The following RAD18 variants were observed in gnomAD, a reference collection of about 807,000 sequenced individuals.
RAD18 encodes the protein RAD18 E3 ubiquitin protein ligase.
Under a neutral mutation model 60.4 loss-of-function variants are expected in RAD18, and 47 were observed. The observed-to-expected ratio is 0.78, with a 90% CI of 0.62 to 0.99. The LOEUF is 0.99. RAD18 is among the 50% of genes least tolerant of loss of function. The pLI, the probability that RAD18 is intolerant of heterozygous loss-of-function variation, is 0.00. For synonymous variants in RAD18, 225 were observed against 195.5 expected (o/e 1.15, Z -1.26); for missense variants, 640 against 593.3 (o/e 1.08, Z -0.82).
chr3:8,899,004 T>C lies in RAD18; in HGVS notation c.1212A>G (p.Gln404=), dbSNP rs551213695. The C allele has an allele frequency of 1.1e-4, 183 of 1,608,274 alleles. 2 individuals carry two copies. In the South Asian group the frequency reaches 1.5e-3, roughly 13 times the overall value. ...NMTSVTNHFS[Q]SKLDSPEELE... ...ATTCCTCTGGGGAGTCCAGCTTTGA[T>C]TGAGAAAAGTGGTTTGTTACTGAGG... The change falls in exon 11 of 13, where the codon CAA becomes CAG. Residue 404 remains glutamine, a synonymous_variant. Transcript: ENST00000264926.
intron 7 of RAD18, among the ~76,000 whole-genome samples, chr3:8,925,996 T>C (rs532783765): frequency 1.3e-3 from 203 of 151,854 alleles, no homozygotes; most frequent in African/African-American, 4.8e-3. Context: ...CTTTGAAAAC[T>C]GGCACAAGAC....
At position 8,878,260 on chromosome 3, in the gene RAD18, A is replaced by T. The variant is rs1436653878; in HGVS notation, c.*3097T>A. The T allele has an allele frequency of 6.6e-6, 1 of 152,206 alleles. No individual in the cohort carries two copies. The highest frequency in any genetic ancestry group is 1.5e-5 in the Non-Finnish European group (1 of 68,036). 9.4% of individuals were successfully genotyped at this position (152,206 alleles called of 1,614,324 possible). On this transcript the variant is annotated 3_prime_UTR_variant, in exon 13 of 13. Coordinates refer to ENST00000264926, the MANE Select transcript of RAD18 (RefSeq NM_020165.4). Reference sequence around the variant, plus strand: ...GAGAAATGCCCCCTTTAAGGTCTCAATGCAGGTAGGGAGTATAAAGTCAGT... The same window carrying T: ...GAGAAATGCCCCCTTTAAGGTCTCATTGCAGGTAGGGAGTATAAAGTCAGT...
chr3:8,891,840 A>G (rs1939697049), intron 11 of RAD18, among the ~76,000 whole-genome samples: 1 of 152,244 alleles, frequency 6.6e-6, no homozygotes, highest in Non-Finnish European at 1.5e-5. Flanking sequence ...GTTGATGCTA[A>G]TACAATTAAA....
intron 4 of RAD18, among the ~76,000 whole-genome samples, chr3:8,943,555 T>C (rs921252267): frequency 1.3e-5 from 2 of 151,904 alleles, no homozygotes; most frequent in Admixed American, 1.3e-4. Context: ...GTATGAGATA[T>C]TGGGCATAAT....
intron 10 of RAD18, among the ~76,000 whole-genome samples, chr3:8,899,339 A>C (rs1939859124): frequency 2.0e-5 from 3 of 152,228 alleles, no homozygotes; most frequent in Admixed American, 1.3e-4. Context: ...TTAACATATC[A>C]CTAAGGAATT....
chr3:8,903,882 A>C (rs772864143), intron 9 of RAD18, among the ~76,000 whole-genome samples: 1 of 152,190 alleles, frequency 6.6e-6, no homozygotes, highest in Non-Finnish European at 1.5e-5. Flanking sequence ...CCTTAGCATA[A>C]TACTAAGGCA....
At chr3:8,914,115 C>A (rs1940156181) in intron 7 of RAD18, among the ~76,000 whole-genome samples, 1 of 152,114 alleles carries the variant, frequency 6.6e-6, no homozygotes. Context: ...GGCTACTGTT[C>A]AAGGAGAGAA....
intron 7 of RAD18, among the ~76,000 whole-genome samples, chr3:8,926,828 A>C (rs1404098975): frequency 6.6e-6 from 1 of 152,210 alleles, no homozygotes; most frequent in Non-Finnish European, 1.5e-5. Flanking sequence ...CTATTTAATA[A>C]ATGGTGCTGG....
At chr3:8,886,796 G>A (rs1361320308) in intron 12 of RAD18, among the ~76,000 whole-genome samples, 5 of 152,148 alleles carry the variant, frequency 3.3e-5, no homozygotes, top group African/African-American at 9.7e-5. Flanking sequence ...GAGGCAAGGC[G>A]GTGTAACTCA....
chr3:8,889,097 TA>T (rs1939635421), intron 12 of RAD18, among the ~76,000 whole-genome samples: 1 of 152,206 alleles, frequency 6.6e-6, no homozygotes, highest in Non-Finnish European at 1.5e-5. Context: ...TATCTCATAA[TA>T]AAACCATGTG....
chr3:8,915,138 A>C (rs564343661), intron 7 of RAD18, among the ~76,000 whole-genome samples: 1 of 110,890 alleles, frequency 9.0e-6, no homozygotes. Context: ...ACAAAGCGAG[A>C]CTCCGTCTCA....
At chr3:8,917,322 G>A (rs1387399488) in intron 7 of RAD18, among the ~76,000 whole-genome samples, 1 of 152,180 alleles carries the variant, frequency 6.6e-6, no homozygotes, top group East Asian at 1.9e-4. Flanking sequence ...TCTTCAATTA[G>A]AAGAACCAGA....
intron 12 of RAD18, among the ~76,000 whole-genome samples, chr3:8,886,327 T>C (rs906825113): frequency 2.0e-5 from 3 of 152,252 alleles, no homozygotes; most frequent in African/African-American, 4.8e-5. Context: ...GAGGCATGTC[T>C]GACCTCCTGT....
At chr3:8,957,866 A>G (rs1941037455) in intron 2 of RAD18, among the ~76,000 whole-genome samples, 1 of 152,204 alleles carries the variant, frequency 6.6e-6, no homozygotes, top group African/African-American at 2.4e-5. Context: ...AAATTCATGA[A>G]CACTTTTATA....
intron 2 of RAD18, among the ~76,000 whole-genome samples, chr3:8,949,572 C>G (rs1940895940): frequency 6.6e-6 from 1 of 152,166 alleles, no homozygotes; most frequent in South Asian, 2.1e-4. Context: ...TCTGTCCTAA[C>G]AAGTAAAAAG....
At chr3:8,919,348 T>C (rs980738621) in intron 7 of RAD18, among the ~76,000 whole-genome samples, 41 of 152,148 alleles carry the variant, frequency 2.7e-4, no homozygotes, top group African/African-American at 9.9e-4. Context: ...CTTGACATAT[T>C]AAGAACCAGG....
At chr3:8,955,060 C>T (rs1167426627) in intron 2 of RAD18, among the ~76,000 whole-genome samples, 3 of 152,158 alleles carry the variant, frequency 2.0e-5, no homozygotes, top group African/African-American at 7.2e-5. Context: ...GAGCAAACAA[C>T]ATGTATCCCT....
At chr3:8,925,403 A>G (rs1452742049) in intron 7 of RAD18, among the ~76,000 whole-genome samples, 1 of 152,236 alleles carries the variant, frequency 6.6e-6, no homozygotes, top group African/African-American at 2.4e-5. Flanking sequence ...AGGCTCTGAA[A>G]TTGAGGCAAT....
chr3:8,904,281 T>C (rs376670220), intron 9 of RAD18, among the ~76,000 whole-genome samples: 1 of 152,216 alleles, frequency 6.6e-6, no homozygotes. Context: ...ATGAGAATGA[T>C]GTTAGTTGTT....
Sources: allele counts gnomAD v4.1 joint callset (sites outside exome capture counted in the v4.1 genomes callset), GRCh38; gene constraint gnomAD v4.1.1; transcripts MANE v1.5; gene names NCBI Gene and HGNC (gene_info 2026-07-23, HGNC 2026-07-21).